CLCC1: variants seen among roughly 807,000 people sequenced by gnomAD.
CLCC1 encodes chloride channel CLIC like 1.
CLCC1 carries 39 observed loss-of-function variants against 63.3 expected under a neutral mutation model. The ratio of observed to expected loss-of-function variants is 0.62; its 90% confidence interval spans 0.48 to 0.81. The LOEUF (loss-of-function observed/expected upper bound fraction) is 0.81. Ranked by LOEUF, CLCC1 falls within the 30% of genes least tolerant of loss-of-function variation. The pLI is 0.00. For synonymous variants in CLCC1, 217 were observed against 239.8 expected (o/e 0.90, Z 0.88); for missense variants, 549 against 669.4 (o/e 0.82, Z 1.98).
intron 12 of CLCC1, 182 bp downstream of exon 12, chr1:108,934,443 T>C (rs921676741): frequency 1.9e-6 from 1 of 517,970 alleles, no homozygotes; most frequent in Non-Finnish European, 3.4e-6. Context: ...TCTTACTTTA[T>C]GGGATGTAAA....
chr1:108,953,404 A>C (rs549662436), intron 2 of CLCC1, among the ~76,000 whole-genome samples: 1 of 152,342 alleles, frequency 6.6e-6, no homozygotes, highest in South Asian at 2.1e-4. Context: ...GCCATATCCC[A>C]AAACCATTAA....
chr1:108,960,623 T>C (rs1023279064), intron 2 of CLCC1, among the ~76,000 whole-genome samples: 8 of 152,114 alleles, frequency 5.3e-5, no homozygotes, highest in African/African-American at 1.9e-4. Context: ...ACTCCATAAA[T>C]AGAAATGAAT....
intron 12 of CLCC1, chr1:108,933,545 A>G (rs1652354755): frequency 6.6e-6 from 1 of 152,256 alleles, no homozygotes; most frequent in Non-Finnish European, 1.5e-5. Context: ...TGGGATACAA[A>G]TATCTGCATG....
In CLCC1 at chr1:108,963,461, C is replaced by CTGGG. The variant is rs1209224944; in HGVS notation, c.-277_-274dup. On this transcript the variant is annotated 5_prime_UTR_variant, in exon 1 of 13. The change creates a premature stop within an existing upstream ORF in the 5' untranslated region. Transcript: ENST00000369969. ...GCCGCCCAGGGTTTCAGCGTGCTTC[C>CTGGG]TGGGCCTCGTCATCGAATTGTTCGG... 31 of 702,170 alleles carry CTGGG rather than the reference C, an allele frequency of 4.4e-5. No homozygotes were observed. The highest frequency in any genetic ancestry group is 2.3e-4 in the Middle Eastern group (1 of 4,368). The allele number at this position is 702,170 out of a possible 1,614,324, so 43.5% of individuals were successfully genotyped here.
chr1:108,947,179 T>C (rs991606640), intron 5 of CLCC1, among the ~76,000 whole-genome samples: 4 of 151,636 alleles, frequency 2.6e-5, no homozygotes, highest in Admixed American at 6.6e-5. Flanking sequence ...AAAAAGGAAA[T>C]TTTAACAATA....
At position 108,931,083 on chromosome 1, in the gene CLCC1, C is replaced by CTGTT. The variant is rs1651871072; in HGVS notation, c.*1460_*1463dup. On this transcript the variant is annotated 3_prime_UTR_variant, in exon 13 of 13. Coordinates refer to ENST00000369969, the MANE Select transcript of CLCC1 (RefSeq NM_001377458.1). ...ACAAGTATCTTTTGTGTGTTTTGGG[C>CTGTT]TGTTTAAAAAAATTATTTAAAATGG... is the stretch of plus-strand genomic sequence containing the variant. 4 of 300,592 alleles carry CTGTT rather than the reference C, an allele frequency of 1.3e-5. No individual in the cohort carries two copies. The highest frequency in any genetic ancestry group is 4.4e-5 in the African/African-American group (2 of 45,184). The allele number at this position is 300,592 out of a possible 1,614,324, so 18.6% of individuals were successfully genotyped here. A position where few individuals can be genotyped will look rare whatever the true frequency, so the allele number is the denominator to read the frequency against.
At chr1:108,935,584 G>A (rs1286431147) in intron 11 of CLCC1, among the ~76,000 whole-genome samples, 1 of 152,092 alleles carries the variant, frequency 6.6e-6, no homozygotes, top group East Asian at 1.9e-4. Flanking sequence ...CTGGGTAACA[G>A]CAAGACCCCA....
intron 5 of CLCC1, among the ~76,000 whole-genome samples, chr1:108,945,188 C>A (rs1319041153): frequency 2.0e-5 from 3 of 152,192 alleles, no homozygotes; most frequent in Non-Finnish European, 4.4e-5. Flanking sequence ...TGAAGCCTAT[C>A]TAATACACAC....
At chr1:108,951,453 TATTA>T (rs1655173150) in intron 2 of CLCC1, among the ~76,000 whole-genome samples, 1 of 152,176 alleles carries the variant, frequency 6.6e-6, no homozygotes, top group Non-Finnish European at 1.5e-5. Context: ...TGCAATGGAA[TATTA>T]TTCAGCCATA....
chr1:108,950,066 G>A (rs1654999910), intron 3 of CLCC1, 145 bp from the exon 4 acceptor site: 3 of 663,846 alleles, frequency 4.5e-6, no homozygotes, highest in Non-Finnish European at 7.4e-6. Context: ...CAAAAAAAAA[G>A]TTTCAAATGT....
chr1:108,954,817 CGTGTGTGT>C (rs58482013), intron 2 of CLCC1, among the ~76,000 whole-genome samples: 30 of 140,600 alleles, frequency 2.1e-4, no homozygotes, highest in Admixed American at 6.3e-4. Context: ...ACTGTCTTTG[CGTGTGTGT>C]GTGTGTGTGT....
intron 11 of CLCC1, among the ~76,000 whole-genome samples, chr1:108,935,186 G>T (rs1271566116): frequency 6.6e-6 from 1 of 152,202 alleles, no homozygotes; most frequent in Non-Finnish European, 1.5e-5. Flanking sequence ...CAGCTTAGAA[G>T]GGGTCAAGAG....
chr1:108,932,070 C>G lies in CLCC1; in HGVS notation c.*477G>C, dbSNP rs200561597. 2 of 152,326 alleles carry G rather than the reference C, an allele frequency of 1.3e-5. No individual in the cohort carries two copies. Among genetic ancestry groups the G allele is most frequent in the African/African-American group, 4.8e-5 (2 of 41,514 alleles). 9.4% of individuals were successfully genotyped at this position (152,326 alleles called of 1,614,324 possible). A position where few individuals can be genotyped will look rare whatever the true frequency, so the allele number is the denominator to read the frequency against. ...GGCGGGTCACTTGAGGTCAGGAGTTCGAGACCAGCCTGACCAACATGGTGA... is the reference window on the plus strand; with the variant it reads ...GGCGGGTCACTTGAGGTCAGGAGTTGGAGACCAGCCTGACCAACATGGTGA... On this transcript the variant is annotated 3_prime_UTR_variant, in exon 13 of 13. Coordinates refer to ENST00000369969, the MANE Select transcript of CLCC1 (RefSeq NM_001377458.1).
intron 4 of CLCC1, among the ~76,000 whole-genome samples, chr1:108,948,976 A>G (rs573334268): frequency 6.6e-6 from 1 of 152,266 alleles, no homozygotes; most frequent in African/African-American, 2.4e-5. Context: ...TTATTGGGCT[A>G]TATCTGGATC....
In CLCC1 at chr1:108,943,620, AAAC is replaced by A; in HGVS notation, c.562-8_562-6del. On this transcript the variant is annotated splice_polypyrimidine_tract_variant and splice_region_variant and intron_variant, in intron 6 of 12. Coordinates refer to ENST00000369969, the MANE Select transcript of CLCC1 (RefSeq NM_001377458.1). ...GCAGAGCAGACAAAGAAGTACCTTA[AAAC>A]AGAGAGAAGCAGAAATCAGCCACCA... 1 of 1,500,550 alleles carries A rather than the reference AAAC, an allele frequency of 6.7e-7. No homozygotes were observed. Among genetic ancestry groups the A allele is most frequent in the Non-Finnish European group, 8.8e-7 (1 of 1,131,134 alleles). 93.0% of individuals were successfully genotyped at this position (1,500,550 alleles called of 1,614,324 possible).
chr1:108,932,548 A>T (rs529059086), intron 12 of CLCC1, 47 bp from the exon 13 acceptor site: 11 of 152,366 alleles, frequency 7.2e-5, no homozygotes, highest in Admixed American at 5.9e-4. Flanking sequence ...AAAATTTTTT[A>T]AAAGAATTTG....
At position 108,931,734 on chromosome 1, in the gene CLCC1, C is replaced by T; in HGVS notation, c.*813G>A. ...GCATTTTAAAAACTCAGGTAAGTTT[C>T]ATGGGGTTCTTATAAGAAAATTCAG... On this transcript the variant is annotated 3_prime_UTR_variant, in exon 13 of 13. Transcript: ENST00000369969. 1 of 344,312 alleles carries T rather than the reference C, an allele frequency of 2.9e-6. No individual in the cohort carries two copies. The highest frequency in any genetic ancestry group is 9.3e-5 in the South Asian group (1 of 10,724). 21.3% of individuals were successfully genotyped at this position (344,312 alleles called of 1,614,324 possible). A position where few individuals can be genotyped will look rare whatever the true frequency, so the allele number is the denominator to read the frequency against.
chr1:108,947,770 G>A (rs1359277964), intron 4 of CLCC1, 52 bp from the exon 5 acceptor site: 1 of 1,249,926 alleles, frequency 8.0e-7, no homozygotes, highest in South Asian at 1.3e-5. Flanking sequence ...TATAATATAA[G>A]GGTTAAGTTT....
intron 2 of CLCC1, among the ~76,000 whole-genome samples, chr1:108,957,317 A>G (rs1293253489): frequency 1.3e-5 from 2 of 151,396 alleles, no homozygotes; most frequent in African/African-American, 4.9e-5. Context: ...CCCAACGGAT[A>G]GAAGGGATAT....
Sources: gnomAD v4.1 joint callset for allele counts (sites outside exome capture counted in the v4.1 genomes callset) on GRCh38, gnomAD v4.1.1 for gene constraint, MANE v1.5 for transcripts, NCBI Gene and HGNC (gene_info 2026-07-23, HGNC 2026-07-21) for gene names.